The following ZNF395 variants were observed in gnomAD, a reference collection of about 807,000 sequenced individuals.
ZNF395 encodes HD gene regulatory region-binding protein 2.
In ZNF395, 20 loss-of-function variants were observed where a neutral mutation model predicts 57.7. The ratio of observed to expected loss-of-function variants is 0.35; its 90% CI spans 0.24 to 0.50. The LOEUF is 0.50. Ranked by LOEUF, ZNF395 falls within the 20% of genes least tolerant of loss-of-function variation. The probability of loss-of-function intolerance (pLI) is 0.97; values close to 1 mark genes in which losing one functional copy is unlikely to be tolerated. For missense variants in ZNF395, 606 were observed against 671.2 expected (o/e 0.90, Z 1.07); for synonymous variants, 295 against 275.9 (o/e 1.07, Z -0.69).
intron 1 of ZNF395, among the ~76,000 whole-genome samples, chr8:28,375,632 A>G (rs566157321): frequency 6.6e-6 from 1 of 152,306 alleles, no homozygotes; most frequent in Non-Finnish European, 1.5e-5. Flanking sequence ...CAATTTAAAA[A>G]AGAACTCCTC....
At position 28,356,613 on chromosome 8, in the gene ZNF395, G is replaced by T; in HGVS notation, c.583+57C>A. On this transcript the variant is annotated intron_variant, in intron 4 of 9. Coordinates refer to ENST00000344423, the MANE Select transcript of ZNF395 (RefSeq NM_018660.3). The surrounding 1 kb of genome is among the most constrained non-coding windows in gnomAD (Gnocchi z 4.0). ...AGGCAACTAGCTGCTCTGCACAGAGGATGTTTGTCGTGGGCCTCTACCATG... is the reference window on the plus strand; with the variant it reads ...AGGCAACTAGCTGCTCTGCACAGAGTATGTTTGTCGTGGGCCTCTACCATG... 7.5e-7 allele frequency: 1 copy of T among 1,334,204 alleles called. No homozygotes were observed. Among genetic ancestry groups the T allele is most frequent in the Non-Finnish European group, 1.1e-6 (1 of 936,486 alleles). The allele number at this position is 1,334,204 out of a possible 1,614,324, so 82.6% of individuals were successfully genotyped here.
chr8:28,362,595 C>G (rs1801864057), intron 1 of ZNF395, among the ~76,000 whole-genome samples: 1 of 152,072 alleles, frequency 6.6e-6, no homozygotes, highest in Admixed American at 6.5e-5. Flanking sequence ...TGGCACAGCC[C>G]TTAGCTCAAG....
chr8:28,347,098 GTGTCC>G lies in ZNF395; in HGVS notation c.*1616_*1620del, dbSNP rs1487099762. 3 of 152,206 alleles carry G rather than the reference GTGTCC, an allele frequency of 2.0e-5. No homozygotes were observed. The highest frequency in any genetic ancestry group is 4.4e-5 in the Non-Finnish European group (3 of 68,044). 9.4% of individuals were successfully genotyped at this position (152,206 alleles called of 1,614,324 possible). A position where few individuals can be genotyped will look rare whatever the true frequency, so the allele number is the denominator to read the frequency against. On this transcript the variant is annotated 3_prime_UTR_variant, in exon 10 of 10. Coordinates refer to ENST00000344423, the MANE Select transcript of ZNF395 (RefSeq NM_018660.3). ...GTCTACAGATTTTGTAACACTCAAA[GTGTCC>G]TGCATTAAAAAGCACGTGTCTATTT...
chr8:28,358,346 G>C (rs564512171), intron 3 of ZNF395, among the ~76,000 whole-genome samples: 50 of 152,058 alleles, frequency 3.3e-4, no homozygotes, highest in Non-Finnish European at 5.6e-4. Flanking sequence ...CTGACCTCAC[G>C]TGATCCACCC....
Position 28,361,196 on chromosome 8 carries a change from G to A in ZNF395, c.-58-14C>T, listed in dbSNP as rs748403683. On this transcript the variant is annotated splice_polypyrimidine_tract_variant and intron_variant, in intron 1 of 9. Transcript: ENST00000344423. ...TCTGCCCATCACCTGGGGGAATCAG[G>A]AAGCTTTCAGGAGGGAGCCCCACAC... is the stretch of plus-strand genomic sequence containing the variant. 3 of 1,599,988 alleles carry A rather than the reference G, an allele frequency of 1.9e-6. No homozygotes were observed. Among genetic ancestry groups the A allele is most frequent in the Non-Finnish European group, 8.5e-7 (1 of 1,178,826 alleles).
chr8:28,348,764 G>C lies in ZNF395; in HGVS notation c.1497C>G (p.Cys499Trp). 1 of 1,614,106 alleles carries C rather than the reference G, an allele frequency of 6.2e-7. No individual in the cohort carries two copies. The highest frequency in any genetic ancestry group is 8.5e-7 in the Non-Finnish European group (1 of 1,180,010). Residue 499 changes from cysteine to tryptophan, a missense_variant, in exon 10 of 10, where the codon TGC (cysteine) becomes TGG (tryptophan). Cys to Trp is a radical substitution (Grantham distance 215). Transcript: ENST00000344423. ...AGGCCTTCTTCCACCGGCAGGCCGT[G>C]CACCACTGGTCCCGGTGCTCGATGC... Reference protein sequence around the residue: ...VYGIEHRDQWCTACRWKKACQ... With the variant: ...VYGIEHRDQWWTACRWKKACQ...
chr8:28,351,831 T>C lies in ZNF395; in HGVS notation c.921-24A>G, dbSNP rs374257360. ...CCCTGTGTGGGAGGGAGATGCGGTA[T>C]AATCAGGGGCACCCTGCCCCCTTCA... On this transcript the variant is annotated intron_variant, in intron 6 of 9. Transcript: ENST00000344423. 99 of 1,524,350 alleles carry C rather than the reference T, an allele frequency of 6.5e-5. No homozygotes were observed. The African/African-American group carries it at 1.2e-3, about 19-fold the overall frequency. The allele number at this position is 1,524,350 out of a possible 1,614,324, so 94.4% of individuals were successfully genotyped here.
chr8:28,351,960 G>GT (rs1312768119), intron 6 of ZNF395, among the ~76,000 whole-genome samples, 153 bp from the exon 7 acceptor site: 1 of 152,210 alleles, frequency 6.6e-6, no homozygotes, highest in East Asian at 1.9e-4. Context: ...CTCCTGACGG[G>GT]TGTCACCAGG....
At chr8:28,358,214 G>A (rs1354645651) in intron 3 of ZNF395, among the ~76,000 whole-genome samples, 1 of 135,650 alleles carries the variant, frequency 7.4e-6, no homozygotes, top group Non-Finnish European at 1.5e-5. Context: ...GCTTCAAGCA[G>A]TTCTCATACC....
Position 28,361,068 on chromosome 8 carries a change from C to T in ZNF395, c.57G>A (p.Val19=), listed in dbSNP as rs1585856419. The change falls in exon 2 of 10, where the codon GTG becomes GTA. Residue 19 remains valine (V), a synonymous_variant. Coordinates refer to ENST00000344423, the MANE Select transcript of ZNF395 (RefSeq NM_018660.3). ...GCCCCTCCGAGGCACTGGGTCCCAA[C>T]ACCCGGGCTCCCAGGAGGGACCGCT... ...LGKRSLLGAR[V]LGPSASEGPS... 1.2e-6 allele frequency: 2 copies of T among 1,612,372 alleles called. No homozygotes were observed. Among genetic ancestry groups the T allele is most frequent in the Middle Eastern group, 1.7e-4 (1 of 6,034 alleles).
intron 8 of ZNF395, 112 bp from the exon 9 acceptor site, chr8:28,349,340 A>G: frequency 1.3e-6 from 1 of 743,144 alleles, no homozygotes. Context: ...AAGGCCTCGC[A>G]CCTTCTCAGG....
At chr8:28,385,925 C>A (rs1802173611) in intron 1 of ZNF395, 1 of 146,414 alleles carries the variant, frequency 6.8e-6, no homozygotes, top group Admixed American at 6.8e-5. Flanking sequence ...GCCCGACAGC[C>A]GCGGGCGCGC....
At chr8:28,358,151 CTTTTTTTTTTTTTTTTTTT>C (rs746800075) in intron 3 of ZNF395, among the ~76,000 whole-genome samples, 2 of 101,128 alleles carry the variant, frequency 2.0e-5, no homozygotes, top group African/African-American at 7.9e-5. Flanking sequence ...TCTTTTTTTT[CTTTTTTTTTTTTTTTTTTT>C]TTGAGATGCA....
chr8:28,368,243 T>A (rs1382603368), intron 1 of ZNF395, among the ~76,000 whole-genome samples: 2 of 152,142 alleles, frequency 1.3e-5, no homozygotes, highest in Non-Finnish European at 2.9e-5. Flanking sequence ...CTAGCAATTC[T>A]AGCAGTCTTC....
intron 1 of ZNF395, among the ~76,000 whole-genome samples, chr8:28,362,091 C>CA (rs111833441): frequency 0.25 from 30,948 of 124,712 alleles, 4,841 homozygotes; most frequent in African/African-American, 0.47. Flanking sequence ...GACTCAGACT[C>CA]AAAAAAAAAA....
intron 1 of ZNF395, 77 bp from the exon 2 acceptor site, chr8:28,361,259 C>G (rs185237180): frequency 1.6e-6 from 2 of 1,220,296 alleles, no homozygotes; most frequent in African/African-American, 3.0e-5. Flanking sequence ...ATAAGTGAAC[C>G]CTTTAAAGTC....
rs1022103609 is a variant in ZNF395, at chr8:28,351,497, G to C, written c.1231C>G (p.Gln411Glu). The change falls in exon 7 of 10, where the codon CAG (glutamine) becomes GAG (glutamate). Residue 411 changes from glutamine to glutamate, a missense_variant and splice_region_variant. Physicochemically the swap from Gln to Glu is conservative, Grantham distance 29. Transcript: ENST00000344423. ...CTCCAGCGAGCCCCGCCCCATACCT[G>C]GTATGCATGATCTGCCTGAATGTGC... ...FWHIQADHAY[Q>E]ALPSFQIPVS... 20 of 1,599,310 alleles carry C rather than the reference G, an allele frequency of 1.3e-5. No homozygotes were observed. The highest frequency in any genetic ancestry group is 1.7e-4 in the Middle Eastern group (1 of 6,022).
Position 28,345,834 on chromosome 8 carries a change from C to T in ZNF395, c.*2885G>A, listed in dbSNP as rs1801593436. 1 of 150,780 alleles carries T rather than the reference C, an allele frequency of 6.6e-6. No homozygotes were observed. The highest frequency in any genetic ancestry group is 6.6e-5 in the Admixed American group (1 of 15,078). The allele number at this position is 150,780 out of a possible 1,614,324, so 9.3% of individuals were successfully genotyped here. ...AGAAAGTAACAGGACAGATTTCTCC[C>T]AGCAAATCAGTCTCCACAACCAAAT... On this transcript the variant is annotated 3_prime_UTR_variant, in exon 10 of 10. Coordinates refer to ENST00000344423, the MANE Select transcript of ZNF395 (RefSeq NM_018660.3).
At position 28,352,367 on chromosome 8, in the gene ZNF395, C is replaced by G. The variant is rs1228056472; in HGVS notation, c.920+206G>C. 6.6e-6 allele frequency among the ~76,000 whole-genome samples: 1 copy of G among 152,214 alleles called. No homozygotes were observed. Among genetic ancestry groups the G allele is most frequent in the Non-Finnish European group, 1.5e-5 (1 of 68,034 alleles). Reference sequence around the variant, plus strand: ...CCTGCAATGAGGCAAGAAGACACATCCCCAAGATGGACAGAGCTCCCTTCC... The same window carrying G: ...CCTGCAATGAGGCAAGAAGACACATGCCCAAGATGGACAGAGCTCCCTTCC... On this transcript the variant is annotated intron_variant, in intron 6 of 9. Coordinates refer to ENST00000344423, the MANE Select transcript of ZNF395 (RefSeq NM_018660.3). The surrounding 1 kb of genome is among the most constrained non-coding windows in gnomAD (Gnocchi z 4.0).
Sources: allele counts gnomAD v4.1 joint callset (sites outside exome capture counted in the v4.1 genomes callset), GRCh38; gene constraint gnomAD v4.1.1; non-coding constraint Gnocchi (gnomAD v3.1); transcripts MANE v1.5; gene names NCBI Gene and HGNC (gene_info 2026-07-23, HGNC 2026-07-21).